Variants in DOCK4 observed in about 807,000 individuals in gnomAD.
DOCK4 encodes dedicator of cytokinesis protein 4.
A neutral mutation model predicts 268.1 loss-of-function variants in DOCK4; 97 were observed. The observed-to-expected ratio is 0.36, with a 90% CI of 0.31 to 0.43. The LOEUF is 0.43. Among genes scored for constraint, DOCK4 ranks in the 20% least tolerant of loss-of-function variants. DOCK4 has a pLI of 1.00. For missense variants in DOCK4, 2,145 were observed against 2,455.7 expected, an observed-to-expected ratio of 0.87 and a Z score of 2.67; for synonymous variants, 954 against 887.2, an observed-to-expected ratio of 1.08 and a Z score of -1.34.
chr7:112,023,496 T>C (rs984030711), intron 1 of DOCK4: 8 of 341,170 alleles, frequency 2.3e-5, no homozygotes, highest in African/African-American at 4.3e-5. Flanking sequence ...CCTTTGCTTC[T>C]CACGGAGCAA....
intron 1 of DOCK4, chr7:112,023,485 T>A (rs914504229): frequency 1.2e-5 from 4 of 341,242 alleles, no homozygotes; most frequent in Non-Finnish European, 1.2e-5. Flanking sequence ...TAAAAACACA[T>A]CCTTTGCTTC....
intron 27 of DOCK4, among the ~76,000 whole-genome samples, chr7:111,818,427 T>A (rs1801722200): frequency 6.8e-6 from 1 of 147,948 alleles, no homozygotes; most frequent in African/African-American, 2.7e-5. Flanking sequence ...TTTTTCCAAC[T>A]AGGTGAATGG....
chr7:112,142,252 A>G (rs758559657), intron 1 of DOCK4, among the ~76,000 whole-genome samples: 23 of 152,196 alleles, frequency 1.5e-4, no homozygotes, highest in Non-Finnish European at 2.8e-4. Flanking sequence ...CAAACCTGGC[A>G]GAGTATAGGG....
chr7:111,874,023 G>C (rs1229018846), intron 17 of DOCK4, among the ~76,000 whole-genome samples: 1 of 152,168 alleles, frequency 6.6e-6, no homozygotes, highest in Non-Finnish European at 1.5e-5. Flanking sequence ...TGGCATATCA[G>C]ATATTTCCAC....
At chr7:112,189,662 T>G (rs1429598212) in intron 1 of DOCK4, among the ~76,000 whole-genome samples, 2 of 152,016 alleles carry the variant, frequency 1.3e-5, no homozygotes, top group African/African-American at 4.8e-5. Flanking sequence ...CAGTCCTATC[T>G]TCACTGAAAT....
intron 13 of DOCK4, among the ~76,000 whole-genome samples, chr7:111,912,191 G>T (rs1256115558): frequency 6.6e-6 from 1 of 152,154 alleles, no homozygotes; most frequent in Non-Finnish European, 1.5e-5. Context: ...GCTATGCCAG[G>T]TGCCTTGTCA....
chr7:112,025,601 C>T (rs775084415), intron 1 of DOCK4, among the ~76,000 whole-genome samples: 1 of 151,476 alleles, frequency 6.6e-6, no homozygotes, highest in Non-Finnish European at 1.5e-5. Context: ...CCTATCCAAA[C>T]GAAGTCAATC....
rs961479454 is a variant in DOCK4 at position 111,871,473 on chromosome 7, T to A, written c.2027+517A>T. Among the ~76,000 whole-genome samples, 7 of 152,200 alleles carry A rather than the reference T, an allele frequency of 4.6e-5. No individual in the cohort carries two copies. In the South Asian group the frequency reaches 6.2e-4, roughly 14 times the overall value. ...GCTCCTATCAAAGAGTAGATCCCAA[T>A]GACTAAATTGCCTGAGGCCAGGGAC... On this transcript the variant is annotated intron_variant, in intron 20 of 52. Transcript: ENST00000428084.
At chr7:111,757,952 C>G (rs1266347687) in intron 41 of DOCK4, among the ~76,000 whole-genome samples, 1 of 152,150 alleles carries the variant, frequency 6.6e-6, no homozygotes, top group East Asian at 1.9e-4. Context: ...ACAATCTTGC[C>G]TCTTTTCTGC....
chr7:111,793,611 A>C (rs1799699840), intron 30 of DOCK4, among the ~76,000 whole-genome samples: 1 of 152,246 alleles, frequency 6.6e-6, no homozygotes, highest in Admixed American at 6.5e-5. Context: ...CAGTGACTCA[A>C]GAAATAAGAA....
chr7:111,895,838 G>T, intron 15 of DOCK4, 120 bp from the exon 16 acceptor site: 1 of 896,982 alleles, frequency 1.1e-6, no homozygotes. Context: ...ACACAATGCA[G>T]CACAGCTTTT....
rs1280483472 is a variant in DOCK4, at chr7:111,746,424, A to C, written c.4594-7T>G. 6.3e-7 allele frequency: 1 copy of C among 1,598,568 alleles called. No individual in the cohort carries two copies. The highest frequency in any genetic ancestry group is 1.4e-5 in the African/African-American group (1 of 73,758). On this transcript the variant is annotated splice_region_variant and splice_polypyrimidine_tract_variant and intron_variant, in intron 43 of 52. Transcript: ENST00000428084. ...ATTCTTTGACAAAGAATGCCTAGTA[A>C]GGGAAAGGAGAATCAGTCTACTTTA...
chr7:111,857,704 G>A (rs974394358), intron 23 of DOCK4, among the ~76,000 whole-genome samples: 5 of 152,230 alleles, frequency 3.3e-5, no homozygotes, highest in South Asian at 4.1e-4. Flanking sequence ...ATCTGACCTC[G>A]CGAAGTCCGG....
intron 2 of DOCK4, among the ~76,000 whole-genome samples, chr7:112,000,977 T>A (rs779703976): frequency 6.6e-6 from 1 of 152,192 alleles, no homozygotes; most frequent in Non-Finnish European, 1.5e-5. Context: ...CTTGCCTGAC[T>A]ACAAACGCCA....
chr7:112,018,447 T>C (rs1276433538), intron 1 of DOCK4, among the ~76,000 whole-genome samples: 1 of 152,184 alleles, frequency 6.6e-6, no homozygotes, highest in Non-Finnish European at 1.5e-5. Context: ...AAATGAACTT[T>C]TAAATTCCTC....
chr7:111,836,416 AT>A lies in DOCK4; in HGVS notation c.2737-1731del, dbSNP rs1315142673. Reference sequence around the variant, plus strand: ...CCTCACTCTATAGCAAAGCTCAGATATTTTTTAGAAATTAAAAAAATCCACC... The same window carrying A: ...CCTCACTCTATAGCAAAGCTCAGATATTTTTAGAAATTAAAAAAATCCACC... On this transcript the variant is annotated intron_variant, in intron 25 of 52. Transcript: ENST00000428084. Among the ~76,000 whole-genome samples, 4 of 152,156 alleles carry A rather than the reference AT, an allele frequency of 2.6e-5. No homozygotes were observed. The East Asian group carries it at 7.7e-4, about 29-fold the overall frequency.
chr7:111,760,991 T>A (rs1209406324), intron 39 of DOCK4, among the ~76,000 whole-genome samples: 1 of 152,026 alleles, frequency 6.6e-6, no homozygotes, highest in Non-Finnish European at 1.5e-5. Context: ...ATTTAACTCA[T>A]ATAAGCTTGA....
At chr7:112,012,901 T>C (rs1445706318) in intron 1 of DOCK4, among the ~76,000 whole-genome samples, 2 of 152,120 alleles carry the variant, frequency 1.3e-5, no homozygotes, top group Non-Finnish European at 2.9e-5. Flanking sequence ...CACAGTAGAA[T>C]TGAAGTGGGA....
In DOCK4 at chr7:111,805,081, G is replaced by A. The variant is rs560359329; in HGVS notation, c.3166+3740C>T. The stretch of plus-strand genomic sequence containing the variant: ...CCCAGGATCTACTGCTGTCTCACAA[G>A]GGAAGAAGAGAAGCCCTGCCTTGTT... On this transcript the variant is annotated intron_variant, in intron 30 of 52. Transcript: ENST00000428084. 7.2e-5 allele frequency among the ~76,000 whole-genome samples: 11 copies of A among 152,292 alleles called. No individual in the cohort carries two copies. In the East Asian group the frequency reaches 1.5e-3, roughly 21 times the overall value.
Sources: allele counts gnomAD v4.1 joint callset (sites outside exome capture counted in the v4.1 genomes callset), GRCh38; gene constraint gnomAD v4.1.1; transcripts MANE v1.5; gene names NCBI Gene and HGNC (gene_info 2026-07-23, HGNC 2026-07-21).